TARS3: variants seen among roughly 807,000 people sequenced by gnomAD.
TARS3 encodes threonine--tRNA ligase 2, cytoplasmic.
A neutral mutation model predicts 103.5 loss-of-function variants in TARS3; 94 were observed. The observed-to-expected ratio is 0.91, with a 90% CI of 0.77 to 1.08. TARS3 has a LOEUF of 1.08. Among genes scored for constraint, TARS3 ranks in the 50% least tolerant of loss-of-function variants. The probability of loss-of-function intolerance (pLI) is 0.00; values close to 1 mark genes in which losing one functional copy is unlikely to be tolerated. For synonymous variants in TARS3, 416 were observed against 355.4 expected (o/e 1.17, Z -1.92); for missense variants, 952 against 995.2 (o/e 0.96, Z 0.58).
At chr15:101,675,250 T>A (rs1421462958) in intron 13 of TARS3, among the ~76,000 whole-genome samples, 1 of 152,000 alleles carries the variant, frequency 6.6e-6, no homozygotes, top group Non-Finnish European at 1.5e-5. Flanking sequence ...GACTCTACAG[T>A]CGGACTAAGA....
intron 8 of TARS3, 109 bp from the exon 9 acceptor site, chr15:101,702,494 G>T: frequency 1.1e-6 from 1 of 916,582 alleles, no homozygotes; most frequent in Non-Finnish European, 1.7e-6. Context: ...AAGCAGCCCT[G>T]CATGGTGGCT....
intron 10 of TARS3, among the ~76,000 whole-genome samples, chr15:101,690,808 A>G (rs748861620): frequency 3.3e-5 from 5 of 152,228 alleles, no homozygotes; most frequent in Non-Finnish European, 7.3e-5. Context: ...CCTTTCTAAG[A>G]ATATTGCTAG....
In TARS3 at chr15:101,685,461, T is replaced by C. The variant is rs905793133; in HGVS notation, c.1487+435A>G. ...ATAAGATGCATTTCAACTTCAGAAA[T>C]GTTGAAATGTGGAAGAAAAATGGTA... is the stretch of plus-strand genomic sequence containing the variant. On this transcript the variant is annotated intron_variant, in intron 11 of 18. Transcript: ENST00000335968. 2.6e-5 allele frequency among the ~76,000 whole-genome samples: 4 copies of C among 152,282 alleles called. No individual in the cohort carries two copies. The South Asian group carries it at 6.2e-4, about 24-fold the overall frequency.
intron 10 of TARS3, among the ~76,000 whole-genome samples, chr15:101,694,704 G>A (rs1184790584): frequency 6.6e-6 from 1 of 152,202 alleles, no homozygotes; most frequent in African/African-American, 2.4e-5. Context: ...AAAAGGATAG[G>A]AAAAGATATA....
rs927006297 is a variant in TARS3, at chr15:101,654,684, T to C, written c.2307A>G (p.Thr769=). The part of the protein sequence containing the change: ...EKIDNAVNVR[T]RDNKIHGEIL... ...TCTCTCCATGAATTTTGTTGTCTCTTGTTCGCACGTTTACAGCATTATCTA... is the reference window on the plus strand; with the variant it reads ...TCTCTCCATGAATTTTGTTGTCTCTCGTTCGCACGTTTACAGCATTATCTA... The change falls in exon 19 of 19, where the codon ACA becomes ACG. Residue 769 remains threonine (T), a synonymous_variant. Coordinates refer to ENST00000335968, the MANE Select transcript of TARS3 (RefSeq NM_152334.3). 3 of 1,614,040 alleles carry C rather than the reference T, an allele frequency of 1.9e-6. No homozygotes were observed. Among genetic ancestry groups the C allele is most frequent in the Non-Finnish European group, 2.5e-6 (3 of 1,180,002 alleles).
intron 10 of TARS3, 151 bp from the exon 11 acceptor site, chr15:101,686,213 T>C: frequency 1.6e-6 from 1 of 625,696 alleles, no homozygotes; most frequent in Non-Finnish European, 2.6e-6. Flanking sequence ...TGGTGGTTTC[T>C]GGATCTTGGA....
chr15:101,703,866 A>G lies in TARS3; in HGVS notation c.1067T>C (p.Ile356Thr). ...AAAAAAATCAATCCTTACCTTAAAA[A>G]TTTTGATGGTTTTAATTTTTCCAGT... ...RHTGKIKTIKIFKNSSTYWEG... is the reference protein window; with the variant it reads ...RHTGKIKTIKTFKNSSTYWEG... The change falls in exon 8 of 19, where the codon ATT becomes ACT. Residue 356 changes from isoleucine to threonine, a missense_variant. By Grantham distance (89) the Ile-to-Thr change is moderately conservative. Coordinates refer to ENST00000335968, the MANE Select transcript of TARS3 (RefSeq NM_152334.3). 1 of 1,611,484 alleles carries G rather than the reference A, an allele frequency of 6.2e-7. No homozygotes were observed. Among genetic ancestry groups the G allele is most frequent in the Non-Finnish European group, 8.5e-7 (1 of 1,178,254 alleles).
Position 101,705,751 on chromosome 15 carries a change from C to T in TARS3, c.931-4G>A, listed in dbSNP as rs376069253. ...TGCGGCATTTAAATTTATTGTACTA[C>T]GAAGAAAAACATATTTACACATTAT... On this transcript the variant is annotated splice_polypyrimidine_tract_variant and splice_region_variant and intron_variant, in intron 6 of 18. Transcript: ENST00000335968. The T allele has an allele frequency of 3.1e-5, 49 of 1,597,178 alleles. No individual in the cohort carries two copies. Among genetic ancestry groups the T allele is most frequent in the East Asian group, 2.9e-4 (13 of 44,714 alleles).
chr15:101,657,121 A>C, intron 17 of TARS3, 85 bp from the exon 18 acceptor site: 1 of 848,106 alleles, frequency 1.2e-6, no homozygotes. Flanking sequence ...CTTGGTATTC[A>C]CACCTTTGTA....
chr15:101,693,851 G>GA (rs1488703566), intron 10 of TARS3, among the ~76,000 whole-genome samples: 1 of 152,094 alleles, frequency 6.6e-6, no homozygotes, highest in Non-Finnish European at 1.5e-5. Context: ...TAGGGGTAGA[G>GA]AAAAAATCAG....
Position 101,724,425 on chromosome 15 carries a change from C to T in TARS3, c.-38G>A, listed in dbSNP as rs1332269970. 1.5e-6 allele frequency: 2 copies of T among 1,365,566 alleles called. No homozygotes were observed. The highest frequency in any genetic ancestry group is 7.9e-5 in the Admixed American group (2 of 25,310). 84.6% of individuals were successfully genotyped at this position (1,365,566 alleles called of 1,614,324 possible). On this transcript the variant is annotated 5_prime_UTR_variant, in exon 1 of 19. Transcript: ENST00000335968. ...CAGGCACCGACGCCGAGCGGGGTGC[C>T]CGCGACTGCGGCGAGGGCGACGCGG... is the stretch of plus-strand genomic sequence containing the variant.
chr15:101,707,516 A>G (rs1340075307), intron 6 of TARS3, among the ~76,000 whole-genome samples: 1 of 152,246 alleles, frequency 6.6e-6, no homozygotes, highest in South Asian at 2.1e-4. Flanking sequence ...CTTATAAAGG[A>G]AGGACATTCT....
intron 10 of TARS3, among the ~76,000 whole-genome samples, chr15:101,695,417 A>G (rs935405513): frequency 6.6e-6 from 1 of 152,204 alleles, no homozygotes; most frequent in Non-Finnish European, 1.5e-5. Flanking sequence ...CTTCATGTGT[A>G]TATCAGTATC....
intron 12 of TARS3, 91 bp downstream of exon 12, chr15:101,683,984 A>G (rs1898359193): frequency 7.6e-7 from 1 of 1,313,600 alleles, no homozygotes; most frequent in Middle Eastern, 2.5e-4. Flanking sequence ...CCAAACGTCT[A>G]TGTTTCAGTA....
intron 5 of TARS3, among the ~76,000 whole-genome samples, 197 bp downstream of exon 5, chr15:101,711,683 T>C (rs1899874892): frequency 1.3e-5 from 2 of 152,252 alleles, no homozygotes; most frequent in African/African-American, 4.8e-5. Flanking sequence ...TTAAGGCGTC[T>C]AGCTAACAAC....
chr15:101,693,270 G>T (rs566861449), intron 10 of TARS3, among the ~76,000 whole-genome samples: 8 of 152,204 alleles, frequency 5.3e-5, no homozygotes, highest in East Asian at 1.9e-4. Context: ...CTGGTGGGGG[G>T]GCCTCACAAT....
chr15:101,687,787 C>A (rs1295472867), intron 10 of TARS3, among the ~76,000 whole-genome samples: 7 of 152,106 alleles, frequency 4.6e-5, no homozygotes, highest in African/African-American at 1.7e-4. Context: ...GTGATTAGGT[C>A]ATAAGGGTAG....
chr15:101,716,794 A>G (rs1380132505), intron 3 of TARS3, among the ~76,000 whole-genome samples: 1 of 151,870 alleles, frequency 6.6e-6, no homozygotes, highest in Non-Finnish European at 1.5e-5. Flanking sequence ...TTACAAGAGT[A>G]TCTTGTCTCT....
chr15:101,693,810 A>C (rs937906402), intron 10 of TARS3, among the ~76,000 whole-genome samples: 1 of 152,150 alleles, frequency 6.6e-6, no homozygotes, highest in Non-Finnish European at 1.5e-5. Flanking sequence ...AGGTTTTATA[A>C]AAGTATGATT....
Sources: gnomAD v4.1 joint callset for allele counts (sites outside exome capture counted in the v4.1 genomes callset) on GRCh38, gnomAD v4.1.1 for gene constraint, MANE v1.5 for transcripts, NCBI Gene and HGNC (gene_info 2026-07-23, HGNC 2026-07-21) for gene names.